Variants in LZTR1 observed in about 807,000 individuals in gnomAD.
LZTR1 encodes leucine zipper like post translational regulator 1.
A neutral mutation model predicts 105.7 loss-of-function variants in LZTR1; 260 were observed. That is an observed-to-expected ratio of 2.46 (90% CI 2.22 to 2.72). LZTR1 has a LOEUF of 2.72. LZTR1 is among the 30% of genes most tolerant of loss of function. The pLI, the probability that LZTR1 is intolerant of heterozygous loss-of-function variation, is 0.00. For synonymous variants in LZTR1, 490 were observed against 476.4 expected (o/e 1.03, Z -0.37); for missense variants, 1,214 against 1,166.9 (o/e 1.04, Z -0.59).
intron 11 of LZTR1, 81 bp downstream of exon 11, chr22:20,992,985 G>A: frequency 1.0e-6 from 1 of 983,530 alleles, no homozygotes; most frequent in South Asian, 1.6e-5. Flanking sequence ...TTGGGGGGCA[G>A]GGCTTATCCA....
intron 3 of LZTR1, 194 bp downstream of exon 3, chr22:20,986,091 C>A (rs948247858): frequency 8.2e-6 from 5 of 611,990 alleles, no homozygotes; most frequent in Non-Finnish European, 1.4e-5. Flanking sequence ...GTAACCACCC[C>A]GCACCTGCAG....
At chr22:20,984,043 C>G (rs1020541936) in intron 2 of LZTR1, among the ~76,000 whole-genome samples, 5 of 152,164 alleles carry the variant, frequency 3.3e-5, no homozygotes, top group African/African-American at 9.7e-5. Flanking sequence ...TACCAAGTGC[C>G]CCCCTGCTCA....
At chr22:20,984,641 A>T (rs1924315030) in intron 2 of LZTR1, among the ~76,000 whole-genome samples, 1 of 146,958 alleles carries the variant, frequency 6.8e-6, no homozygotes, top group African/African-American at 2.5e-5. Context: ...CACAATCACC[A>T]CCAGCTTCTA....
intron 5 of LZTR1, 48 bp downstream of exon 5, chr22:20,988,166 C>A: frequency 7.9e-7 from 1 of 1,270,326 alleles, no homozygotes; most frequent in Non-Finnish European, 1.1e-6. Flanking sequence ...TCCTGGGTGG[C>A]ATTGGACCTG....
At chr22:20,993,900 GC>G in intron 12 of LZTR1, 23 bp from the exon 13 acceptor site, 1 of 1,605,650 alleles carries the variant, frequency 6.2e-7, no homozygotes. Flanking sequence ...TGTGCCCTCT[GC>G]CAGTGCATCA....
chr22:20,996,674 C>A, intron 18 of LZTR1, 22 bp from the exon 19 acceptor site: 1 of 1,607,156 alleles, frequency 6.2e-7, no homozygotes, highest in South Asian at 1.1e-5. Context: ...TTCCTTTAGT[C>A]AGCTCCTTAA....
chr22:20,989,698 A>G lies in LZTR1; in HGVS notation c.651+16A>G. The G allele has an allele frequency of 2.3e-6, 1 of 428,950 alleles. No homozygotes were observed. The highest frequency in any genetic ancestry group is 5.0e-5 in the South Asian group (1 of 19,912). The allele number at this position is 428,950 out of a possible 1,614,324, so 26.6% of individuals were successfully genotyped here. A position where few individuals can be genotyped will look rare whatever the true frequency, so the allele number is the denominator to read the frequency against. ...CTGGGAGGAGGTGAGGGGCGTGGGGAGCCAGGGCGCAGGTAGAGGAGGTGA... is the reference window on the plus strand; with the variant it reads ...CTGGGAGGAGGTGAGGGGCGTGGGGGGCCAGGGCGCAGGTAGAGGAGGTGA... On this transcript the variant is annotated intron_variant, in intron 7 of 20. Transcript: ENST00000646124.
In LZTR1 at chr22:20,994,613, C is replaced by T. The variant is rs148399643; in HGVS notation, c.1671C>T (p.Phe557=). The T allele has an allele frequency of 1.2e-6, 2 of 1,612,686 alleles. No homozygotes were observed. Among genetic ancestry groups the T allele is most frequent in the Non-Finnish European group, 1.7e-6 (2 of 1,179,986 alleles). The change falls in exon 15 of 21, where the codon TTC becomes TTT. Residue 557 remains phenylalanine (F), a synonymous_variant. Transcript: ENST00000646124. ...IMDVYKLALS[F]QLCRLEQLCR... is the part of the protein sequence containing the mutation. Reference sequence around the variant, plus strand: ...ATGTGTACAAACTGGCACTGAGCTTCCAGTTGTGCCGCCTGGAGCAGCTGT... The same window carrying T: ...ATGTGTACAAACTGGCACTGAGCTTTCAGTTGTGCCGCCTGGAGCAGCTGT...
chr22:20,997,007 G>T, intron 20 of LZTR1, 41 bp downstream of exon 20: 1 of 1,600,998 alleles, frequency 6.2e-7, no homozygotes. Context: ...GCTTCCCCTT[G>T]GCAGTGGCCA....
intron 7 of LZTR1, 113 bp from the exon 8 acceptor site, chr22:20,990,273 C>A: frequency 1.7e-6 from 2 of 1,206,644 alleles, no homozygotes; most frequent in Non-Finnish European, 1.2e-6. Context: ...TCTGTGAATC[C>A]TCATCTGGGG....
chr22:20,995,257 C>A, intron 16 of LZTR1: 1 of 695,072 alleles, frequency 1.4e-6, no homozygotes, highest in Admixed American at 2.0e-5. Flanking sequence ...TTTCCTGAGC[C>A]AATTTCTGGG....
chr22:20,987,578 T>C lies in LZTR1; in HGVS notation c.395T>C (p.Val132Ala), dbSNP rs756615982. 6.2e-7 allele frequency: 1 copy of C among 1,614,060 alleles called. No homozygotes were observed. The highest frequency in any genetic ancestry group is 8.5e-7 in the Non-Finnish European group (1 of 1,179,988). Residue 132 changes from valine to alanine, a missense_variant, in exon 4 of 21, where the codon GTC becomes GCC. By Grantham distance (64) the Val-to-Ala change is moderately conservative. Transcript: ENST00000646124. Reference sequence around the variant, plus strand: ...GTCGTCTATGGGAGCAGCATGTTTGTCTTTGGTAAGCAGCCTCTTGCCTCC... The same window carrying C: ...GTCGTCTATGGGAGCAGCATGTTTGCCTTTGGTAAGCAGCCTCTTGCCTCC... Reference protein sequence around the residue: ...SAVVYGSSMFVFGGYTGDIYS... With the variant: ...SAVVYGSSMFAFGGYTGDIYS...
intron 1 of LZTR1, 78 bp from the exon 2 acceptor site, chr22:20,982,949 C>A: frequency 1.7e-6 from 2 of 1,198,268 alleles, no homozygotes; most frequent in Non-Finnish European, 2.5e-6. Flanking sequence ...TCCGTGGCAG[C>A]TCTCCTGCTT....
At position 20,995,769 on chromosome 22, in the gene LZTR1, A is replaced by G. The variant is rs753177486; in HGVS notation, c.1966A>G (p.Lys656Glu). 1.2e-6 allele frequency: 2 copies of G among 1,613,584 alleles called. No individual in the cohort carries two copies. The highest frequency in any genetic ancestry group is 3.3e-5 in the Admixed American group (2 of 60,014). Residue 656 changes from lysine (K) to glutamate (E), a missense_variant, in exon 17 of 21, where the codon AAG becomes GAG. By Grantham distance (56) the Lys-to-Glu change is moderately conservative. Transcript: ENST00000646124. ...AGGCACATCTCTGATCCAGGACATGAAGGCATACCTGGAGGGAGCGGGCGC... is the reference window on the plus strand; with the variant it reads ...AGGCACATCTCTGATCCAGGACATGGAGGCATACCTGGAGGGAGCGGGCGC... The part of the protein sequence containing the change: ...DIGTSLIQDM[K>E]AYLEGAGAEF...
chr22:20,994,882 A>AAC lies in LZTR1; in HGVS notation c.1799_1800dup (p.Phe601ThrfsTer4). On this transcript the variant is annotated frameshift_variant, in exon 16 of 21. Coordinates refer to ENST00000646124, the MANE Select transcript of LZTR1 (RefSeq NM_006767.4). LOFTEE classifies it high-confidence loss of function. ...CTGTCTGCCCCAGGAGCACTGCCTGAACTTCGTGGTAAAGGAGTCCCACTT... is the reference window on the plus strand; with the variant it reads ...CTGTCTGCCCCAGGAGCACTGCCTGAACACTTCGTGGTAAAGGAGTCCCACTT... The AAC allele has an allele frequency of 6.2e-7, 1 of 1,613,292 alleles. No homozygotes were observed. Among genetic ancestry groups the AAC allele is most frequent in the Non-Finnish European group, 8.5e-7 (1 of 1,179,960 alleles).
rs2147968331 is a variant in LZTR1, at chr22:20,994,912, C to T, written c.1828C>T (p.Gln610Ter). The change falls in exon 16 of 21, where the codon CAG (glutamine) becomes TAG (stop). Residue 610 changes from glutamine to a stop codon, truncating the protein, a stop_gained. Transcript: ENST00000646124. LOFTEE classifies it high-confidence loss of function. The stretch of plus-strand genomic sequence containing the variant: ...CGTGGTAAAGGAGTCCCACTTCAAC[C>T]AGGTGATCATGATGAAGGAGTTCGA... The part of the protein sequence containing the change: ...NFVVKESHFN[Q>*]VIMMKEFERL... 6.2e-7 allele frequency: 1 copy of T among 1,613,434 alleles called. No homozygotes were observed. The highest frequency in any genetic ancestry group is 2.2e-5 in the East Asian group (1 of 44,880).
At position 20,996,732 on chromosome 22, in the gene LZTR1, C is replaced by A. The variant is rs1924866379; in HGVS notation, c.2256C>A (p.Tyr752Ter). ...LFAAPYYYGFYNNRLQAYCKQ... is the reference protein window; with the variant it reads ...LFAAPYYYGF ...CGGCCCCCTACTACTACGGCTTCTA[C>A]AACAACCGGCTGCAGGCGTACTGCA... Residue 752 changes from tyrosine to a stop codon, truncating the protein, a stop_gained, in exon 19 of 21, where the codon TAC becomes TAA. Transcript: ENST00000646124. LOFTEE classifies it high-confidence loss of function. 1.2e-6 allele frequency: 2 copies of A among 1,613,516 alleles called. No individual in the cohort carries two copies. The highest frequency in any genetic ancestry group is 1.7e-6 in the Non-Finnish European group (2 of 1,179,976).
rs1924620283 is a variant in LZTR1, at chr22:20,991,837, T to G, written c.993+8T>G. ...CCCAGCTCCGACAGCGAGGTGAGGG[T>G]GCCCAGGGGTGTCCTGACCTGCCAG... On this transcript the variant is annotated splice_region_variant and intron_variant, in intron 9 of 20. Transcript: ENST00000646124. 2.6e-6 allele frequency: 4 copies of G among 1,545,766 alleles called. No individual in the cohort carries two copies. Among genetic ancestry groups the G allele is most frequent in the Non-Finnish European group, 3.5e-6 (4 of 1,144,716 alleles).
Position 20,988,858 on chromosome 22 carries a change from T to C in LZTR1, c.579T>C (p.Tyr193=), listed in dbSNP as rs766392700. The change falls in exon 6 of 21, where the codon TAT becomes TAC. Residue 193 remains tyrosine, a synonymous_variant. Coordinates refer to ENST00000646124, the MANE Select transcript of LZTR1 (RefSeq NM_006767.4). The stretch of plus-strand genomic sequence containing the variant: ...ACAAGCTGTGGATCTTTGCTGGCTA[T>C]GACGGCAACGCCAGGTGGGTGGTGG... ...YSDKLWIFAG[Y]DGNARLNDMW... 1.9e-6 allele frequency: 3 copies of C among 1,613,892 alleles called. No homozygotes were observed. Among genetic ancestry groups the C allele is most frequent in the Non-Finnish European group, 2.5e-6 (3 of 1,179,948 alleles).
Sources: gnomAD v4.1 joint callset for allele counts (sites outside exome capture counted in the v4.1 genomes callset) on GRCh38, gnomAD v4.1.1 for gene constraint, MANE v1.5 for transcripts, NCBI Gene and HGNC (gene_info 2026-07-23, HGNC 2026-07-21) for gene names.